Variants in RBFOX1 observed in about 807,000 individuals in gnomAD.
RBFOX1 encodes the protein RNA binding fox-1 homolog 1.
RBFOX1 carries 8 observed loss-of-function variants against 57.7 expected under a neutral mutation model. The ratio of observed to expected loss-of-function variants is 0.14; its 90% CI spans 0.08 to 0.25. RBFOX1 has a LOEUF of 0.25. Among genes scored for constraint, RBFOX1 ranks in the 10% least tolerant of loss-of-function variants. RBFOX1 has a pLI of 1.00. For synonymous variants in RBFOX1, 326 were observed against 222.4 expected (o/e 1.47, Z -4.15); for missense variants, 611 against 548.5 (o/e 1.11, Z -1.14).
At chr16:5,745,159 T>C (rs1336559944) in intron 3 of RBFOX1, among the ~76,000 whole-genome samples, 1 of 152,198 alleles carries the variant, frequency 6.6e-6, no homozygotes, top group Non-Finnish European at 1.5e-5. Context: ...TTCTCATTGT[T>C]CAATTCCCAC....
rs547428822 is a variant in RBFOX1, at chr16:6,830,417, A to G, written c.-16+175767A>G. Reference sequence around the variant, plus strand: ...ACTAACGGGAAGTAATAATAGATCAATGAAGAAAAATGTCACAGGGACCGT... The same window carrying G: ...ACTAACGGGAAGTAATAATAGATCAGTGAAGAAAAATGTCACAGGGACCGT... On this transcript the variant is annotated intron_variant, in intron 3 of 15. Transcript: ENST00000550418. Among the ~76,000 whole-genome samples the G allele has an allele frequency of 3.9e-5, 6 of 152,316 alleles. No individual in the cohort carries two copies. The East Asian group carries it at 7.7e-4, about 20-fold the overall frequency.
In RBFOX1 at chr16:5,479,555, T is replaced by C. The variant is rs929306373; in HGVS notation, c.258+12301T>C. On this transcript the variant is annotated intron_variant, in intron 2 of 2. Transcript: ENST00000585867. ...AGGTGGATGACCTGAGGTCAGGAGT[T>C]CCAGACCAGCCTGGCCAACATGGTA... 3.3e-5 allele frequency among the ~76,000 whole-genome samples: 5 copies of C among 152,098 alleles called. No homozygotes were observed. The East Asian group carries it at 9.7e-4, about 29-fold the overall frequency.
rs145274171 is a variant in RBFOX1, at chr16:5,316,288, C to G, written c.219+76183C>G. 2.0e-3 allele frequency among the ~76,000 whole-genome samples: 298 copies of G among 152,338 alleles called. 1 individual carries two copies. In the Middle Eastern group the frequency reaches 0.02, roughly 10 times the overall value. On this transcript the variant is annotated intron_variant, in intron 1 of 2. Transcript: ENST00000585867. ...TTCTCAGATATCCTTATTGCATTTCCTCAAGACACTTGCCTCAGTGTGGCA... is the reference window on the plus strand; with the variant it reads ...TTCTCAGATATCCTTATTGCATTTCGTCAAGACACTTGCCTCAGTGTGGCA...
At chr16:6,605,145 G>A (rs2097908952) in intron 2 of RBFOX1, among the ~76,000 whole-genome samples, 1 of 152,166 alleles carries the variant, frequency 6.6e-6, no homozygotes, top group Non-Finnish European at 1.5e-5. Flanking sequence ...AAGCTAAGGT[G>A]AGAGTACTGC....
intron 2 of RBFOX1, among the ~76,000 whole-genome samples, chr16:6,465,418 G>T (rs554098639): frequency 6.6e-6 from 1 of 152,120 alleles, no homozygotes; most frequent in African/African-American, 2.4e-5. Flanking sequence ...CCCTTTAGTG[G>T]CTATCTTGCA....
chr16:5,906,410 C>G (rs981011833), intron 4 of RBFOX1, among the ~76,000 whole-genome samples: 34 of 152,302 alleles, frequency 2.2e-4, no homozygotes, highest in African/African-American at 7.2e-4. Flanking sequence ...TGCTAACAAA[C>G]TACTGCATGC....
At chr16:5,307,382 C>T (rs1313429137) in intron 1 of RBFOX1, among the ~76,000 whole-genome samples, 2 of 152,194 alleles carry the variant, frequency 1.3e-5, no homozygotes, top group South Asian at 4.1e-4. Flanking sequence ...ATCTTCCCCT[C>T]CCTCCCTCCA....
chr16:6,538,907 C>G (rs1272689104), intron 2 of RBFOX1, among the ~76,000 whole-genome samples: 1 of 152,056 alleles, frequency 6.6e-6, no homozygotes, highest in African/African-American at 2.4e-5. Flanking sequence ...AGTGATTTTA[C>G]CATTGTCTGT....
At chr16:6,093,840 A>G (rs1040810313) in intron 1 of RBFOX1, among the ~76,000 whole-genome samples, 14 of 151,374 alleles carry the variant, frequency 9.2e-5, no homozygotes, top group African/African-American at 3.2e-4. Context: ...GGCTGATCTC[A>G]AACTCCTAGG....
intron 2 of RBFOX1, among the ~76,000 whole-genome samples, chr16:6,361,357 C>T (rs541141427): frequency 1.6e-4 from 25 of 152,150 alleles, no homozygotes; most frequent in Non-Finnish European, 2.9e-4. Context: ...GGGCCAGGCG[C>T]GGTGGCTCAC....
At chr16:6,355,750 A>C (rs1158098246) in intron 2 of RBFOX1, among the ~76,000 whole-genome samples, 1 of 152,216 alleles carries the variant, frequency 6.6e-6, no homozygotes, top group African/African-American at 2.4e-5. Flanking sequence ...CACTCCCACC[A>C]ACAGTGTAAA....
chr16:5,879,009 A>G (rs1315645447), intron 4 of RBFOX1, among the ~76,000 whole-genome samples: 1 of 152,192 alleles, frequency 6.6e-6, no homozygotes, highest in Non-Finnish European at 1.5e-5. Context: ...TTGCCCTGGT[A>G]CTGTCTTCAG....
At chr16:6,105,713 C>A (rs1257992721) in intron 1 of RBFOX1, among the ~76,000 whole-genome samples, 1 of 151,062 alleles carries the variant, frequency 6.6e-6, no homozygotes, top group Non-Finnish European at 1.5e-5. Context: ...AATTAATTCC[C>A]TTGTCATTCC....
chr16:5,771,811 A>C (rs1421957483), intron 3 of RBFOX1, among the ~76,000 whole-genome samples: 3 of 152,202 alleles, frequency 2.0e-5, no homozygotes, highest in African/African-American at 7.2e-5. Flanking sequence ...GTGCATGTGT[A>C]GTGTTTGAAG....
chr16:6,893,112 A>C (rs902937227), intron 3 of RBFOX1, among the ~76,000 whole-genome samples: 3 of 152,174 alleles, frequency 2.0e-5, no homozygotes, highest in Non-Finnish European at 2.9e-5. Flanking sequence ...GATTCCATTC[A>C]CAGGAGCTCA....
intron 4 of RBFOX1, among the ~76,000 whole-genome samples, chr16:7,319,790 C>T (rs868552698): frequency 6.6e-6 from 1 of 152,026 alleles, no homozygotes; most frequent in African/African-American, 2.4e-5. Context: ...CTTTGACTGC[C>T]GGCCCTCCCT....
chr16:6,144,561 T>G (rs1036385409), intron 1 of RBFOX1, among the ~76,000 whole-genome samples: 3 of 152,234 alleles, frequency 2.0e-5, no homozygotes, highest in African/African-American at 7.2e-5. Context: ...TTTTCAATTT[T>G]CTGATAGCAT....
rs546571094 is a variant in RBFOX1 at position 7,386,873 on chromosome 16, A to G, written c.28-131274A>G. Among the ~76,000 whole-genome samples, 581 of 152,192 alleles carry G rather than the reference A, an allele frequency of 3.8e-3. 1 individual carries two copies. The highest frequency in any genetic ancestry group is 6.5e-3 in the Non-Finnish European group (440 of 67,996). The stretch of plus-strand genomic sequence containing the variant: ...TGTAAAAGTGTTCCTATTTCTCCAC[A>G]TCCTCTCCAGCATCTGTTGTTTTCT... On this transcript the variant is annotated intron_variant, in intron 4 of 15. Coordinates refer to ENST00000550418, the MANE Select transcript of RBFOX1 (RefSeq NM_018723.4).
At chr16:7,177,296 C>A (rs1384630469) in intron 4 of RBFOX1, among the ~76,000 whole-genome samples, 2 of 152,062 alleles carry the variant, frequency 1.3e-5, no homozygotes, top group African/African-American at 4.8e-5. Context: ...GTTCTACAAG[C>A]AAACAAACAA....
Sources: allele counts gnomAD v4.1 joint callset (sites outside exome capture counted in the v4.1 genomes callset), GRCh38; gene constraint gnomAD v4.1.1; transcripts MANE v1.5; gene names NCBI Gene and HGNC (gene_info 2026-07-23, HGNC 2026-07-21).